TTC29: variants seen among roughly 807,000 people sequenced by gnomAD.
The protein encoded by TTC29 is tetratricopeptide repeat domain 29.
A neutral mutation model predicts 58.1 loss-of-function variants in TTC29; 49 were observed. The observed-to-expected ratio is 0.84, with a 90% CI of 0.67 to 1.07. The LOEUF (loss-of-function observed/expected upper bound fraction) is 1.07, where lower values mean the gene tolerates loss of function less well. TTC29 is among the 50% of genes least tolerant of loss of function. TTC29 has a pLI of 0.00. For synonymous variants in TTC29, 209 were observed against 196.8 expected, an observed-to-expected ratio of 1.06 and a Z score of -0.52; for missense variants, 582 against 555.6, an observed-to-expected ratio of 1.05 and a Z score of -0.48.
chr4:146,893,881 A>G (rs1400400379), intron 6 of TTC29, among the ~76,000 whole-genome samples: 3 of 152,244 alleles, frequency 2.0e-5, no homozygotes, highest in African/African-American at 4.8e-5. Flanking sequence ...ATATGAACAG[A>G]CACTTCTCAA....
At chr4:146,850,226 C>G (rs1579826136) in intron 8 of TTC29, among the ~76,000 whole-genome samples, 1 of 152,200 alleles carries the variant, frequency 6.6e-6, no homozygotes, top group East Asian at 1.9e-4. Flanking sequence ...TTCTTAACAC[C>G]CCATGCATTG....
chr4:146,914,855 AGCAGAGCTGAACAATATG>A (rs1252095785), intron 4 of TTC29, among the ~76,000 whole-genome samples: 1 of 152,186 alleles, frequency 6.6e-6, no homozygotes, highest in Non-Finnish European at 1.5e-5. Flanking sequence ...ACTGACAGAA[AGCAGAGCTGAACAATATG>A]GCATAACTCC....
chr4:146,944,930 A>C (rs1053754111), intron 2 of TTC29, 101 bp downstream of exon 2: 1 of 152,190 alleles, frequency 6.6e-6, no homozygotes, highest in Non-Finnish European at 1.5e-5. Flanking sequence ...TTAGTAAAAT[A>C]AATAGAAAAC....
intron 11 of TTC29, among the ~76,000 whole-genome samples, chr4:146,713,642 G>A (rs1424941592): frequency 6.6e-6 from 1 of 151,994 alleles, no homozygotes; most frequent in East Asian, 1.9e-4. Flanking sequence ...TCATATTACA[G>A]GATCTGGTAT....
chr4:146,864,897 C>A (rs1293909836), intron 8 of TTC29, among the ~76,000 whole-genome samples: 1 of 150,390 alleles, frequency 6.6e-6, no homozygotes, highest in Non-Finnish European at 1.5e-5. Context: ...TTCACAGGTT[C>A]CAGGGATTAG....
At chr4:146,803,422 T>C in intron 11 of TTC29, 35 bp downstream of exon 11, 2 of 1,384,896 alleles carry the variant, frequency 1.4e-6, no homozygotes, top group Non-Finnish European at 2.0e-6. Flanking sequence ...GAGAATGATA[T>C]GAAAACTAAA....
At chr4:146,911,193 T>A (rs555837590) in intron 4 of TTC29, among the ~76,000 whole-genome samples, 2 of 152,268 alleles carry the variant, frequency 1.3e-5, no homozygotes, top group East Asian at 3.9e-4. Flanking sequence ...ACCCTGTAAT[T>A]GCCCACAGCC....
chr4:146,749,241 T>C (rs1745784683), intron 11 of TTC29, among the ~76,000 whole-genome samples: 1 of 151,560 alleles, frequency 6.6e-6, no homozygotes, highest in African/African-American at 2.4e-5. Context: ...AGCCCATGAG[T>C]TGAAGGCTAC....
chr4:146,728,499 C>A (rs573001197), intron 11 of TTC29, among the ~76,000 whole-genome samples: 153 of 151,670 alleles, frequency 1.0e-3, no homozygotes, highest in African/African-American at 3.5e-3. Flanking sequence ...CCTTTACTCT[C>A]CTGAAATATC....
In TTC29 at chr4:146,803,548, G is replaced by C; in HGVS notation, c.1239C>G (p.Asn413Lys). 6.2e-7 allele frequency: 1 copy of C among 1,604,352 alleles called. No individual in the cohort carries two copies. The highest frequency in any genetic ancestry group is 8.5e-7 in the Non-Finnish European group (1 of 1,174,694). ...AKAHQMMLTV[N>K]NYIESADLTS... ...TGAGATCTGCAGACTCTATATAGTT[G>C]TTCACTGTAAGCATCATCTGATGAG... Residue 413 changes from asparagine (N) to lysine (K), a missense_variant, in exon 11 of 13, where the codon AAC (asparagine) becomes AAG (lysine). Asn to Lys is a moderately conservative substitution (Grantham distance 94). Coordinates refer to ENST00000325106, the MANE Select transcript of TTC29 (RefSeq NM_031956.4).
At chr4:146,854,377 A>G (rs1205539529) in intron 8 of TTC29, among the ~76,000 whole-genome samples, 1 of 152,200 alleles carries the variant, frequency 6.6e-6, no homozygotes, top group Non-Finnish European at 1.5e-5. Flanking sequence ...TTGAGCAAGA[A>G]CTATGTGACA....
chr4:146,845,839 ACAC>A (rs947910892), intron 8 of TTC29, among the ~76,000 whole-genome samples: 4 of 150,734 alleles, frequency 2.7e-5, no homozygotes, highest in African/African-American at 7.3e-5. Flanking sequence ...ACACACACAC[ACAC>A]CACTTCTTTG....
intron 4 of TTC29, among the ~76,000 whole-genome samples, chr4:146,919,906 G>A (rs528223898): frequency 1.3e-5 from 2 of 151,040 alleles, no homozygotes; most frequent in Admixed American, 1.3e-4. Flanking sequence ...TCAGCTCACT[G>A]CATTTTTTTT....
chr4:146,818,512 G>C (rs1260239772), intron 10 of TTC29, among the ~76,000 whole-genome samples: 38 of 152,262 alleles, frequency 2.5e-4, no homozygotes, highest in South Asian at 1.7e-3. Context: ...CAACCATTGT[G>C]GAAGTCAGTG....
At chr4:146,826,893 G>C (rs1727835823) in intron 9 of TTC29, among the ~76,000 whole-genome samples, 1 of 150,522 alleles carries the variant, frequency 6.6e-6, no homozygotes, top group African/African-American at 2.4e-5. Context: ...CTTCTGCTTG[G>C]CTGTTGATAC....
chr4:146,794,105 T>TA (rs1198057449), intron 11 of TTC29, among the ~76,000 whole-genome samples: 4 of 152,080 alleles, frequency 2.6e-5, no homozygotes, highest in Non-Finnish European at 5.9e-5. Flanking sequence ...ATCAAATTAC[T>TA]AAAAAAATAC....
chr4:146,866,837 T>C (rs1730592777), intron 8 of TTC29, among the ~76,000 whole-genome samples: 1 of 152,126 alleles, frequency 6.6e-6, no homozygotes, highest in South Asian at 2.1e-4. Context: ...TTATAAGAGA[T>C]GTAGGTGAAA....
intron 4 of TTC29, among the ~76,000 whole-genome samples, chr4:146,913,066 T>A (rs2150290196): frequency 6.6e-6 from 1 of 152,190 alleles, no homozygotes; most frequent in East Asian, 1.9e-4. Context: ...GACCTCCACG[T>A]GTTACCCTAG....
At chr4:146,916,472 G>A (rs1218412600) in intron 4 of TTC29, among the ~76,000 whole-genome samples, 1 of 151,656 alleles carries the variant, frequency 6.6e-6, no homozygotes, top group Non-Finnish European at 1.5e-5. Flanking sequence ...ATTAGTCATA[G>A]TATTGATTAG....
Sources: allele counts gnomAD v4.1 joint callset (sites outside exome capture counted in the v4.1 genomes callset), GRCh38; gene constraint gnomAD v4.1.1; transcripts MANE v1.5; gene names NCBI Gene and HGNC (gene_info 2026-07-23, HGNC 2026-07-21).